The following THSD4 variants were observed in gnomAD, a reference collection of about 807,000 sequenced individuals.
The protein encoded by THSD4 is thrombospondin type 1 domain containing 4, also known as thrombospondin type-1 domain-containing protein 4.
In THSD4, 69 loss-of-function variants were observed where a neutral mutation model predicts 119.0. That is an observed-to-expected ratio of 0.58 (90% CI 0.48 to 0.71). The LOEUF is 0.71. Ranked by LOEUF, THSD4 falls within the 30% of genes least tolerant of loss-of-function variation. The pLI is 0.00. For synonymous variants in THSD4, 524 were observed against 540.4 expected (o/e 0.97, Z 0.42); for missense variants, 1,393 against 1,391.1 (o/e 1.00, Z -0.02).
At chr15:71,411,942 A>C in intron 7 of THSD4, 119 bp downstream of exon 7, 1 of 1,340,662 alleles carries the variant, frequency 7.5e-7, no homozygotes, top group Admixed American at 2.2e-5. Flanking sequence ...AGGGCCACTC[A>C]ACCATGCGCT....
At chr15:71,384,600 C>T (rs55865815) in intron 6 of THSD4, among the ~76,000 whole-genome samples, 51,042 of 152,022 alleles carry the variant, frequency 0.34, 9,595 homozygotes, top group Middle Eastern at 0.5. Context: ...TTGCCTTTTG[C>T]AAATAGTCTT....
intron 6 of THSD4, among the ~76,000 whole-genome samples, chr15:71,348,728 G>T (rs1001548187): frequency 6.6e-6 from 1 of 152,226 alleles, no homozygotes; most frequent in Non-Finnish European, 1.5e-5. Flanking sequence ...GGATACGACT[G>T]TTAGCAAAAA....
intron 3 of THSD4, among the ~76,000 whole-genome samples, chr15:71,166,668 C>G (rs2043297422): frequency 1.3e-5 from 2 of 152,126 alleles, no homozygotes; most frequent in African/African-American, 2.4e-5. Flanking sequence ...CTTCCATGCT[C>G]TATAGAAATT....
At chr15:71,122,665 C>G (rs1469526584) in intron 1 of THSD4, among the ~76,000 whole-genome samples, 1 of 152,162 alleles carries the variant, frequency 6.6e-6, no homozygotes, top group Non-Finnish European at 1.5e-5. Flanking sequence ...TTCCCACTTG[C>G]CACCTAAGCA....
In THSD4 at chr15:71,244,665, G is replaced by A. The variant is rs150159086; in HGVS notation, c.912+1569G>A. The stretch of plus-strand genomic sequence containing the variant: ...TGTCACGGAGAATAACAGAAAAGTC[G>A]TGGTATCTACCTCCTAGCATTGCTT... On this transcript the variant is annotated intron_variant, in intron 5 of 17. Coordinates refer to ENST00000261862, the MANE Select transcript of THSD4 (RefSeq NM_024817.3). Among the ~76,000 whole-genome samples the A allele has an allele frequency of 4.6e-5, 7 of 152,318 alleles. No homozygotes were observed. In the East Asian group the frequency reaches 7.7e-4, roughly 17 times the overall value.
In THSD4 at chr15:71,728,724, C is replaced by T. The variant is rs377524437; in HGVS notation, c.1533C>T (p.Tyr511=). 88 of 1,613,826 alleles carry T rather than the reference C, an allele frequency of 5.5e-5. No individual in the cohort carries two copies. The highest frequency in any genetic ancestry group is 2.5e-4 in the African/African-American group (19 of 74,924). The part of the protein sequence containing the change: ...EGPTNEILDV[Y]MIHQQPNPGV... Reference sequence around the variant, plus strand: ...CCACCAACGAGATCTTGGATGTCTACGTGAGTTTGGATGTTTCTGGACTGT... The same window carrying T: ...CCACCAACGAGATCTTGGATGTCTATGTGAGTTTGGATGTTTCTGGACTGT... The change falls in exon 9 of 18, where the codon TAC becomes TAT. Residue 511 remains tyrosine (Y), a splice_region_variant and synonymous_variant. Transcript: ENST00000261862.
At chr15:71,367,042 G>A (rs1484196701) in intron 6 of THSD4, among the ~76,000 whole-genome samples, 6 of 152,242 alleles carry the variant, frequency 3.9e-5, no homozygotes, top group African/African-American at 1.2e-4. Context: ...TTCAAGAGTC[G>A]TTAGTGAGTT....
chr15:71,604,743 A>G (rs1291068253), intron 7 of THSD4, among the ~76,000 whole-genome samples: 5 of 152,210 alleles, frequency 3.3e-5, no homozygotes, highest in Non-Finnish European at 7.3e-5. Flanking sequence ...GTTTTAAGTT[A>G]TACAAAATGT....
At chr15:71,392,572 A>G (rs1596395274) in intron 6 of THSD4, among the ~76,000 whole-genome samples, 1 of 152,202 alleles carries the variant, frequency 6.6e-6, no homozygotes, top group Admixed American at 6.5e-5. Context: ...CTAAAGGCCT[A>G]ACCATCATCC....
chr15:71,614,051 G>C (rs1255674685), intron 7 of THSD4, among the ~76,000 whole-genome samples: 5 of 152,112 alleles, frequency 3.3e-5, no homozygotes. Flanking sequence ...GTTGAGGCAG[G>C]AACAGAATAT....
intron 8 of THSD4, among the ~76,000 whole-genome samples, chr15:71,666,603 C>A (rs1050035612): frequency 7.9e-5 from 12 of 152,094 alleles, no homozygotes; most frequent in Admixed American, 3.9e-4. Flanking sequence ...TTGCTTATTC[C>A]AAAAAGCTTT....
upstream of THSD4, chr15:71,113,608 C>T (rs188853484): frequency 3.9e-5 from 6 of 152,330 alleles, no homozygotes; most frequent in East Asian, 1.2e-3. Context: ...CCTGTATGAG[C>T]TCTTAAATAC....
chr15:71,545,837 A>G (rs2048828937), intron 7 of THSD4, among the ~76,000 whole-genome samples: 1 of 152,142 alleles, frequency 6.6e-6, no homozygotes, highest in Admixed American at 6.5e-5. Context: ...CCCCACCAAA[A>G]AACTCCCCAC....
chr15:71,558,050 G>C (rs536650891), intron 7 of THSD4, among the ~76,000 whole-genome samples: 2 of 151,962 alleles, frequency 1.3e-5, no homozygotes, highest in African/African-American at 4.8e-5. Context: ...TATGTGGGCC[G>C]CATGTGGTGG....
At chr15:71,676,307 A>G (rs1376755695) in intron 8 of THSD4, among the ~76,000 whole-genome samples, 1 of 152,076 alleles carries the variant, frequency 6.6e-6, no homozygotes, top group East Asian at 1.9e-4. Context: ...TTTGAGACGG[A>G]GTCTCGCTGT....
At chr15:71,434,678 A>G (rs1195369932) in intron 7 of THSD4, among the ~76,000 whole-genome samples, 1 of 152,098 alleles carries the variant, frequency 6.6e-6, no homozygotes, top group African/African-American at 2.4e-5. Flanking sequence ...AAAAGTTCTT[A>G]TGGGAGAACA....
chr15:71,331,819 C>A (rs572912922), intron 6 of THSD4, among the ~76,000 whole-genome samples: 6 of 149,366 alleles, frequency 4.0e-5, no homozygotes, highest in Non-Finnish European at 7.4e-5. Context: ...CTTGCCCCCC[C>A]CTCCCCACCC....
At chr15:71,508,953 A>G (rs28368543) in intron 7 of THSD4, among the ~76,000 whole-genome samples, 6 of 71,628 alleles carry the variant, frequency 8.4e-5, no homozygotes, top group Admixed American at 7.0e-4. Flanking sequence ...TTTTTTTTTC[A>G]AAAAAGGAAG....
At chr15:71,181,609 A>G (rs2043528972) in intron 3 of THSD4, among the ~76,000 whole-genome samples, 2 of 152,192 alleles carry the variant, frequency 1.3e-5, no homozygotes, top group African/African-American at 2.4e-5. Flanking sequence ...ATCTCTGTCA[A>G]TGCTTATGGA....
Sources: gnomAD v4.1 joint callset for allele counts (sites outside exome capture counted in the v4.1 genomes callset) on GRCh38, gnomAD v4.1.1 for gene constraint, MANE v1.5 for transcripts, NCBI Gene and HGNC (gene_info 2026-07-23, HGNC 2026-07-21) for gene names.